GPATCH8: variants seen among roughly 807,000 people sequenced by gnomAD.
The protein encoded by GPATCH8 is G-patch domain containing 8, also known as G patch domain-containing protein 8.
In GPATCH8, 18 loss-of-function variants were observed where a neutral mutation model predicts 118.3. The observed-to-expected ratio is 0.15, with a 90% CI of 0.11 to 0.23. The LOEUF (loss-of-function observed/expected upper bound fraction) is 0.23. GPATCH8 is among the 10% of genes least tolerant of loss of function. The probability of loss-of-function intolerance (pLI) is 1.00; values close to 1 mark genes in which losing one functional copy is unlikely to be tolerated. For missense variants in GPATCH8, 1,631 were observed against 1,873.8 expected (o/e 0.87, Z 2.39); for synonymous variants, 659 against 684.7 (o/e 0.96, Z 0.59).
chr17:44,422,996 C>T (rs936322021), intron 6 of GPATCH8, among the ~76,000 whole-genome samples: 3 of 151,852 alleles, frequency 2.0e-5, no homozygotes, highest in Admixed American at 6.6e-5. Context: ...CGGCCGGGCG[C>T]AGTGGCTCAC....
intron 5 of GPATCH8, among the ~76,000 whole-genome samples, chr17:44,429,767 G>A (rs969250685): frequency 2.0e-5 from 3 of 151,998 alleles, no homozygotes; most frequent in Non-Finnish European, 4.4e-5. Context: ...GGGAGGCTGA[G>A]GCACAAGAAT....
chr17:44,434,237 G>C (rs920230355), intron 5 of GPATCH8, among the ~76,000 whole-genome samples: 3 of 151,762 alleles, frequency 2.0e-5, no homozygotes, highest in Non-Finnish European at 2.9e-5. Context: ...AAGTGGTTTG[G>C]TGAAAACTGC....
chr17:44,474,820 T>C lies in GPATCH8; in HGVS notation c.120+9A>G. 1 of 1,470,472 alleles carries C rather than the reference T, an allele frequency of 6.8e-7. No homozygotes were observed. The highest frequency in any genetic ancestry group is 9.5e-7 in the Non-Finnish European group (1 of 1,048,958). The allele number at this position is 1,470,472 out of a possible 1,614,324, so 91.1% of individuals were successfully genotyped here. A position where few individuals can be genotyped will look rare whatever the true frequency, so the allele number is the denominator to read the frequency against. On this transcript the variant is annotated intron_variant, in intron 2 of 7. Transcript: ENST00000591680. The stretch of plus-strand genomic sequence containing the variant: ...GCTAAGACCCGAAATTAAGCACTGA[T>C]TATCTTACCGATTCTATAGGCTTGT...
intron 1 of GPATCH8, chr17:44,486,542 G>C (rs1430522282): frequency 6.6e-6 from 1 of 152,070 alleles, no homozygotes; most frequent in African/African-American, 2.4e-5. Flanking sequence ...ATGTCATCTA[G>C]TCTGATAGCC....
intron 4 of GPATCH8, 144 bp from the exon 5 acceptor site, chr17:44,435,295 C>A: frequency 1.5e-6 from 1 of 649,572 alleles, no homozygotes; most frequent in Admixed American, 2.5e-5. Flanking sequence ...TTTATTGTCA[C>A]CTCACAGAGA....
In GPATCH8 at chr17:44,398,456, T is replaced by C. The variant is rs769664637; in HGVS notation, c.3621A>G (p.Pro1207=). 5 of 1,612,464 alleles carry C rather than the reference T, an allele frequency of 3.1e-6. No individual in the cohort carries two copies. The highest frequency in any genetic ancestry group is 4.2e-6 in the Non-Finnish European group (5 of 1,179,166). The change falls in exon 8 of 8, where the codon CCA becomes CCG. Residue 1207 remains proline (P), a synonymous_variant. Coordinates refer to ENST00000591680, the MANE Select transcript of GPATCH8 (RefSeq NM_001002909.4). The part of the protein sequence containing the change: ...ETTGPLLDPP[P]EESKSGEATA... Reference sequence around the variant, plus strand: ...TAGCTTCTCCAGACTTTGACTCTTCTGGGGGTGGGTCTAATAAGGGGCCAG... The same window carrying C: ...TAGCTTCTCCAGACTTTGACTCTTCCGGGGGTGGGTCTAATAAGGGGCCAG...
At chr17:44,468,136 T>A (rs1966951054) in intron 2 of GPATCH8, among the ~76,000 whole-genome samples, 1 of 150,640 alleles carries the variant, frequency 6.6e-6, no homozygotes, top group Non-Finnish European at 1.5e-5. Context: ...TCCAGCCAAT[T>A]TTTTTTTTGT....
intron 3 of GPATCH8, chr17:44,445,836 A>G (rs1278988282): frequency 6.6e-6 from 1 of 152,122 alleles, no homozygotes; most frequent in Non-Finnish European, 1.5e-5. Flanking sequence ...AATGAATTCC[A>G]AAAGAAAAAA....
At chr17:44,438,413 A>C (rs940012692) in intron 3 of GPATCH8, among the ~76,000 whole-genome samples, 6 of 152,076 alleles carry the variant, frequency 3.9e-5, no homozygotes, top group Non-Finnish European at 8.8e-5. Context: ...TGCCCATTAC[A>C]TTGTGGGGAA....
chr17:44,409,902 G>C (rs903725531), intron 6 of GPATCH8, among the ~76,000 whole-genome samples: 4 of 152,172 alleles, frequency 2.6e-5, no homozygotes, highest in Admixed American at 1.3e-4. Flanking sequence ...GAATAATTCA[G>C]TTCAAACATC....
chr17:44,437,503 C>A (rs997716475), intron 3 of GPATCH8, among the ~76,000 whole-genome samples: 1 of 152,076 alleles, frequency 6.6e-6, no homozygotes, highest in African/African-American at 2.4e-5. Context: ...TTACTTCCCT[C>A]ATCATTTCAC....
At chr17:44,434,325 G>A (rs2050422579) in intron 5 of GPATCH8, among the ~76,000 whole-genome samples, 1 of 151,846 alleles carries the variant, frequency 6.6e-6, no homozygotes, top group Admixed American at 6.6e-5. Context: ...AAAAGGGGCA[G>A]GAAAAGAAGA....
intron 2 of GPATCH8, among the ~76,000 whole-genome samples, chr17:44,471,775 CT>C (rs1240470272): frequency 2.7e-5 from 4 of 150,642 alleles, no homozygotes; most frequent in Non-Finnish European, 4.4e-5. Flanking sequence ...TAAGGGACTT[CT>C]TTTGTTTGGT....
chr17:44,489,232 C>T (rs1415104163), intron 1 of GPATCH8, among the ~76,000 whole-genome samples: 1 of 152,010 alleles, frequency 6.6e-6, no homozygotes, highest in East Asian at 1.9e-4. Flanking sequence ...GGATAATATA[C>T]TAAGCACTCT....
At chr17:44,413,217 TA>T (rs2049514043) in intron 6 of GPATCH8, among the ~76,000 whole-genome samples, 1 of 152,162 alleles carries the variant, frequency 6.6e-6, no homozygotes, top group African/African-American at 2.4e-5. Flanking sequence ...AATTAGATAC[TA>T]ATGCCAATTA....
chr17:44,495,063 G>A (rs1969556144), intron 1 of GPATCH8, among the ~76,000 whole-genome samples: 1 of 152,094 alleles, frequency 6.6e-6, no homozygotes, highest in African/African-American at 2.4e-5. Flanking sequence ...AGGCCAACAC[G>A]GTGGCTCACA....
At chr17:44,478,440 A>G (rs1967942107) in intron 1 of GPATCH8, among the ~76,000 whole-genome samples, 1 of 152,102 alleles carries the variant, frequency 6.6e-6, no homozygotes, top group South Asian at 2.1e-4. Flanking sequence ...GCTGGAGGCC[A>G]GGAAGTTGGA....
chr17:44,502,283 G>A (rs1970126711), intron 1 of GPATCH8, among the ~76,000 whole-genome samples: 1 of 151,882 alleles, frequency 6.6e-6, no homozygotes, highest in Non-Finnish European at 1.5e-5. Flanking sequence ...AGGATCTGCA[G>A]CGGGATAAAA....
intron 1 of GPATCH8, among the ~76,000 whole-genome samples, chr17:44,491,963 C>A (rs1969280676): frequency 6.6e-6 from 1 of 152,032 alleles, no homozygotes; most frequent in South Asian, 2.1e-4. Flanking sequence ...AAATGGACAT[C>A]CTGGGGATTA....
Sources: allele counts gnomAD v4.1 joint callset (sites outside exome capture counted in the v4.1 genomes callset), GRCh38; gene constraint gnomAD v4.1.1; transcripts MANE v1.5; gene names NCBI Gene and HGNC (gene_info 2026-07-23, HGNC 2026-07-21).